The following REEP3 variants were observed in gnomAD, a reference collection of about 807,000 sequenced individuals.
The protein encoded by REEP3 is receptor expression-enhancing protein 3.
A neutral mutation model predicts 41.3 loss-of-function variants in REEP3; 20 were observed. That is an observed-to-expected ratio of 0.48 (90% confidence interval 0.34 to 0.70). The LOEUF is 0.70. REEP3 is among the 30% of genes least tolerant of loss of function. The pLI is 0.01. For missense variants in REEP3, 271 were observed against 308.8 expected, an observed-to-expected ratio of 0.88 and a Z score of 0.92; for synonymous variants, 104 against 101.8, an observed-to-expected ratio of 1.02 and a Z score of -0.13.
At chr10:63,619,912 AG>A in intron 7 of REEP3, 112 bp downstream of exon 7, 4 of 470,276 alleles carry the variant, frequency 8.5e-6, no homozygotes, top group East Asian at 4.2e-5. Flanking sequence ...GTAGAACAGC[AG>A]TTTGATTTTT....
chr10:63,575,779 GC>G (rs1315462038), intron 2 of REEP3, among the ~76,000 whole-genome samples: 1 of 152,138 alleles, frequency 6.6e-6, no homozygotes, highest in Non-Finnish European at 1.5e-5. Context: ...TGCTGCCCAG[GC>G]TGGAGTGCAG....
rs937800227 is a variant in REEP3, at chr10:63,622,533, T to C, written c.*1664T>C. The C allele has an allele frequency of 7.2e-5, 11 of 152,244 alleles. No individual in the cohort carries two copies. Among genetic ancestry groups the C allele is most frequent in the Non-Finnish European group, 1.3e-4 (9 of 68,018 alleles). The allele number at this position is 152,244 out of a possible 1,614,324, so 9.4% of individuals were successfully genotyped here. On this transcript the variant is annotated 3_prime_UTR_variant, in exon 8 of 8. Transcript: ENST00000373758. ...TATTCCAAATTTCTATGAATTCTAA[T>C]TGTAAATTATCGGAACAGAGTTTTA...
chr10:63,611,207 T>C (rs1385228361), intron 6 of REEP3, among the ~76,000 whole-genome samples: 1 of 152,196 alleles, frequency 6.6e-6, no homozygotes, highest in Admixed American at 6.5e-5. Flanking sequence ...CCAGCACTAG[T>C]TCTAACCTGT....
chr10:63,540,502 A>G (rs182299642), intron 1 of REEP3, among the ~76,000 whole-genome samples: 78 of 152,340 alleles, frequency 5.1e-4, no homozygotes, highest in African/African-American at 1.7e-3. Context: ...TTAAAAAATA[A>G]TATGTAATAA....
At chr10:63,589,656 T>C (rs996455497) in intron 2 of REEP3, among the ~76,000 whole-genome samples, 1 of 152,166 alleles carries the variant, frequency 6.6e-6, no homozygotes, top group African/African-American at 2.4e-5. Context: ...GCCACTATAC[T>C]TTATTGGTGT....
intron 2 of REEP3, among the ~76,000 whole-genome samples, chr10:63,591,690 G>T (rs777028927): frequency 1.3e-5 from 2 of 152,082 alleles, no homozygotes; most frequent in African/African-American, 2.4e-5. Flanking sequence ...TATTTATTTT[G>T]TGAGTTTTAA....
intron 1 of REEP3, among the ~76,000 whole-genome samples, chr10:63,560,377 A>G (rs761706865): frequency 2.0e-5 from 3 of 152,220 alleles, no homozygotes; most frequent in Admixed American, 6.5e-5. Context: ...TGAGAGATGT[A>G]TATCAGACTT....
intron 1 of REEP3, among the ~76,000 whole-genome samples, chr10:63,532,674 A>AG (rs1201117131): frequency 8.0e-5 from 12 of 149,978 alleles, no homozygotes; most frequent in Non-Finnish European, 8.9e-5. Flanking sequence ...AAAGAAAAGG[A>AG]GAAAAAAAAA....
At chr10:63,617,256 A>G (rs1356061051) in intron 6 of REEP3, among the ~76,000 whole-genome samples, 1 of 152,234 alleles carries the variant, frequency 6.6e-6, no homozygotes, top group African/African-American at 2.4e-5. Flanking sequence ...CTTCTAGCCT[A>G]GAAGTCTAAG....
chr10:63,603,498 C>T (rs1020712388), intron 5 of REEP3, among the ~76,000 whole-genome samples: 4 of 151,966 alleles, frequency 2.6e-5, no homozygotes, highest in South Asian at 2.1e-4. Flanking sequence ...CTTAAAATCA[C>T]GTGTTTTAAT....
chr10:63,546,173 C>A (rs1955577032), intron 1 of REEP3, among the ~76,000 whole-genome samples: 1 of 152,108 alleles, frequency 6.6e-6, no homozygotes, highest in Non-Finnish European at 1.5e-5. Context: ...GGGTTCTGAG[C>A]AGAGAAGTGA....
chr10:63,551,822 A>C (rs1955631318), intron 1 of REEP3, among the ~76,000 whole-genome samples: 1 of 152,158 alleles, frequency 6.6e-6, no homozygotes, highest in African/African-American at 2.4e-5. Context: ...AAACCAGGAA[A>C]ATTTGAATAA....
At chr10:63,542,528 T>G (rs1393139518) in intron 1 of REEP3, among the ~76,000 whole-genome samples, 1 of 152,234 alleles carries the variant, frequency 6.6e-6, no homozygotes, top group African/African-American at 2.4e-5. Flanking sequence ...AAGAACTATA[T>G]TATCTACAAA....
intron 1 of REEP3, among the ~76,000 whole-genome samples, chr10:63,532,379 A>G: frequency 6.6e-6 from 1 of 152,164 alleles, no homozygotes; most frequent in Non-Finnish European, 1.5e-5. Context: ...AATTATTCTC[A>G]CCTATAAATA....
intron 1 of REEP3, among the ~76,000 whole-genome samples, chr10:63,548,401 GA>G (rs148335683): frequency 4.6e-5 from 7 of 150,706 alleles, no homozygotes; most frequent in East Asian, 1.9e-4. Flanking sequence ...TACATTTAAA[GA>G]AAAAAAAATC....
At chr10:63,604,440 T>C (rs939011581) in intron 5 of REEP3, among the ~76,000 whole-genome samples, 6 of 152,248 alleles carry the variant, frequency 3.9e-5, no homozygotes, top group African/African-American at 1.4e-4. Flanking sequence ...TAACCATGTC[T>C]TTGAATTTCT....
chr10:63,624,493 A>G lies in REEP3; in HGVS notation c.*3624A>G, dbSNP rs1425442380. Reference sequence around the variant, plus strand: ...TTTAATAATCTGTTTGTAAAAGGCTATCTCTAAGCCTAGTATGTGGGTAAT... The same window carrying G: ...TTTAATAATCTGTTTGTAAAAGGCTGTCTCTAAGCCTAGTATGTGGGTAAT... On this transcript the variant is annotated 3_prime_UTR_variant, in exon 8 of 8. Coordinates refer to ENST00000373758, the MANE Select transcript of REEP3 (RefSeq NM_001001330.3). 1 of 152,156 alleles carries G rather than the reference A, an allele frequency of 6.6e-6. No individual in the cohort carries two copies. Among genetic ancestry groups the G allele is most frequent in the Non-Finnish European group, 1.5e-5 (1 of 67,976 alleles). 9.4% of individuals were successfully genotyped at this position (152,156 alleles called of 1,614,324 possible).
At chr10:63,582,369 A>G (rs555338034) in intron 2 of REEP3, among the ~76,000 whole-genome samples, 30 of 152,336 alleles carry the variant, frequency 2.0e-4, no homozygotes, top group African/African-American at 5.5e-4. Flanking sequence ...CTCAGAATCT[A>G]TATAACTGTT....
chr10:63,549,665 T>C (rs1307463044), intron 1 of REEP3, among the ~76,000 whole-genome samples: 1 of 152,214 alleles, frequency 6.6e-6, no homozygotes, highest in African/African-American at 2.4e-5. Context: ...TTGATAAAGT[T>C]GTATACCATG....
Sources: gnomAD v4.1 joint callset for allele counts (sites outside exome capture counted in the v4.1 genomes callset) on GRCh38, gnomAD v4.1.1 for gene constraint, MANE v1.5 for transcripts, NCBI Gene and HGNC (gene_info 2026-07-23, HGNC 2026-07-21) for gene names.